The following CFAP20DC variants were observed in gnomAD, a reference collection of about 807,000 sequenced individuals.
CFAP20DC encodes the protein CFAP20 domain containing, also known as protein CFAP20DC.
Under a neutral mutation model 101.7 loss-of-function variants are expected in CFAP20DC, and 84 were observed. The observed-to-expected ratio is 0.83, with a 90% CI of 0.69 to 0.99. The LOEUF (loss-of-function observed/expected upper bound fraction) is 0.99. CFAP20DC is among the 50% of genes least tolerant of loss of function. CFAP20DC has a pLI of 0.00. For synonymous variants in CFAP20DC, 359 were observed against 351.2 expected (o/e 1.02, Z -0.25); for missense variants, 1,007 against 970.3 (o/e 1.04, Z -0.50).
At position 58,721,635 on chromosome 3, in the gene CFAP20DC, A is replaced by G. The variant is rs1345492004; in HGVS notation, c.198-4007T>C. ...AAAGAGCAGTGTGGCTGGGGAGAGA[A>G]GAGCCATGTGGTCCAGACAAATCTG... On this transcript the variant is annotated intron_variant, in intron 3 of 3. Transcript: ENST00000486145. This position sits in a 1 kb window ranked among gnomAD's most constrained non-coding sequence, Gnocchi z 5.2. Among the ~76,000 whole-genome samples, 2 of 152,190 alleles carry G rather than the reference A, an allele frequency of 1.3e-5. No homozygotes were observed. The highest frequency in any genetic ancestry group is 2.4e-5 in the African/African-American group (1 of 41,448).
chr3:59,005,390 A>G (rs557689856), intron 4 of CFAP20DC, among the ~76,000 whole-genome samples: 1 of 152,312 alleles, frequency 6.6e-6, no homozygotes, highest in East Asian at 1.9e-4. Context: ...CTTTTAAGCT[A>G]CTGACTCTTG....
chr3:58,955,473 C>G (rs1199725621), intron 4 of CFAP20DC, among the ~76,000 whole-genome samples: 1 of 152,072 alleles, frequency 6.6e-6, no homozygotes, highest in Non-Finnish European at 1.5e-5. Flanking sequence ...AAAGCAAAAC[C>G]AGACCAAACT....
chr3:58,801,796 G>A (rs1213916912), intron 15 of CFAP20DC, among the ~76,000 whole-genome samples: 1 of 152,194 alleles, frequency 6.6e-6, no homozygotes, highest in Non-Finnish European at 1.5e-5. Flanking sequence ...ATGGTTATAA[G>A]TGTGTTTATC....
intron 3 of CFAP20DC, among the ~76,000 whole-genome samples, chr3:59,044,968 C>T (rs1240052883): frequency 6.7e-6 from 1 of 149,876 alleles, no homozygotes; most frequent in Non-Finnish European, 1.5e-5. Context: ...TATGGAAATG[C>T]AAAAAACCTC....
intron 4 of CFAP20DC, among the ~76,000 whole-genome samples, chr3:58,999,425 T>C (rs1435489716): frequency 1.3e-5 from 2 of 152,174 alleles, no homozygotes; most frequent in African/African-American, 2.4e-5. Flanking sequence ...ACAGGAGACC[T>C]TCACTGACTA....
In CFAP20DC at chr3:59,006,024, T is replaced by C. The variant is rs973762653; in HGVS notation, c.278+33533A>G. Among the ~76,000 whole-genome samples the C allele has an allele frequency of 6.6e-6, 1 of 152,190 alleles. No homozygotes were observed. Among genetic ancestry groups the C allele is most frequent in the Non-Finnish European group, 1.5e-5 (1 of 68,028 alleles). On this transcript the variant is annotated intron_variant, in intron 4 of 16. Transcript: ENST00000482387. This position sits in a 1 kb window ranked among gnomAD's most constrained non-coding sequence, Gnocchi z 4.3. ...AAGGGAAATAATTCACAAGATGGAA[T>C]TACTCCTCAATGAAAAGTACTTTTA...
chr3:59,020,731 A>G (rs2093787056), intron 4 of CFAP20DC, among the ~76,000 whole-genome samples: 1 of 152,044 alleles, frequency 6.6e-6, no homozygotes, highest in South Asian at 2.1e-4. Context: ...GAGAAGCTTT[A>G]AACTCAATTG....
chr3:58,821,731 G>C (rs1225757761), intron 14 of CFAP20DC, among the ~76,000 whole-genome samples: 12 of 151,466 alleles, frequency 7.9e-5, no homozygotes, highest in South Asian at 6.3e-4. Context: ...GTGGAAGTCA[G>C]TGTGGCGATT....
chr3:58,902,027 T>C (rs1327575302), intron 6 of CFAP20DC, among the ~76,000 whole-genome samples: 1 of 152,228 alleles, frequency 6.6e-6, no homozygotes, highest in Admixed American at 6.5e-5. Flanking sequence ...TGACCTTTTT[T>C]TGTCTGGCTT....
At chr3:58,910,896 T>C (rs916034151) in intron 6 of CFAP20DC, among the ~76,000 whole-genome samples, 3 of 151,984 alleles carry the variant, frequency 2.0e-5, no homozygotes, top group Non-Finnish European at 2.9e-5. Context: ...TTATCAGGCA[T>C]ACCAAGAGAC....
In CFAP20DC at chr3:59,006,060, C is replaced by T. The variant is rs1026664062; in HGVS notation, c.278+33497G>A. Reference sequence around the variant, plus strand: ...TGAAAAGTACTTTTAAATATCCCTACATTTATATGTGTTTTTATAAATATG... The same window carrying T: ...TGAAAAGTACTTTTAAATATCCCTATATTTATATGTGTTTTTATAAATATG... On this transcript the variant is annotated intron_variant, in intron 4 of 16. Coordinates refer to ENST00000482387, the MANE Select transcript of CFAP20DC (RefSeq NM_001394063.1). The surrounding 1 kb of genome is among the most constrained non-coding windows in gnomAD (Gnocchi z 4.3). 6.6e-6 allele frequency among the ~76,000 whole-genome samples: 1 copy of T among 152,042 alleles called. No homozygotes were observed. The highest frequency in any genetic ancestry group is 1.5e-5 in the Non-Finnish European group (1 of 68,024).
chr3:58,952,162 C>G (rs2090189252), intron 4 of CFAP20DC, among the ~76,000 whole-genome samples: 1 of 152,090 alleles, frequency 6.6e-6, no homozygotes, highest in Admixed American at 6.6e-5. Context: ...TCAAGTAGTG[C>G]TATTCTTAGT....
chr3:58,856,594 C>G, intron 12 of CFAP20DC, among the ~76,000 whole-genome samples: 1 of 152,282 alleles, frequency 6.6e-6, no homozygotes, highest in South Asian at 2.1e-4. Flanking sequence ...TGCCTTCAGG[C>G]AGAAAACTCG....
intron 16 of CFAP20DC, among the ~76,000 whole-genome samples, chr3:58,753,119 T>C (rs1384567940): frequency 1.3e-5 from 2 of 152,228 alleles, no homozygotes; most frequent in African/African-American, 4.8e-5. Flanking sequence ...CAGAAACTAA[T>C]GGTTCATCTT....
At chr3:59,024,751 T>C (rs1392823092) in intron 4 of CFAP20DC, among the ~76,000 whole-genome samples, 1 of 152,134 alleles carries the variant, frequency 6.6e-6, no homozygotes, top group Non-Finnish European at 1.5e-5. Flanking sequence ...TAAGATTCCA[T>C]GATATACTTG....
At chr3:59,017,373 C>CG (rs1185961090) in intron 4 of CFAP20DC, 10 of 152,080 alleles carry the variant, frequency 6.6e-5, no homozygotes, top group Non-Finnish European at 8.8e-5. Flanking sequence ...TTGAAGCTCC[C>CG]GCTGTGCTTT....
rs192539570 is a variant in CFAP20DC, at chr3:58,853,092, C to T, written c.1594-3683G>A. ...CAAAATTGATAGACCGCTAGCAAGA[C>T]TAATAAAGAAGAAAAGAGAGAAGAA... On this transcript the variant is annotated intron_variant, in intron 12 of 16. Transcript: ENST00000482387. Among the ~76,000 whole-genome samples, 106 of 152,072 alleles carry T rather than the reference C, an allele frequency of 7.0e-4. No homozygotes were observed. In the Middle Eastern group the frequency reaches 0.01, roughly 15 times the overall value.
intron 14 of CFAP20DC, among the ~76,000 whole-genome samples, chr3:58,811,034 A>C (rs891895817): frequency 6.6e-6 from 1 of 152,186 alleles, no homozygotes; most frequent in Non-Finnish European, 1.5e-5. Flanking sequence ...ACTACAAATC[A>C]CTGCTCAGTG....
intron 4 of CFAP20DC, among the ~76,000 whole-genome samples, chr3:58,983,395 A>G (rs2092646830): frequency 6.6e-6 from 1 of 152,176 alleles, no homozygotes. Flanking sequence ...GGTGCACTAA[A>G]TTGTTTCCAA....
Sources: allele counts gnomAD v4.1 joint callset (sites outside exome capture counted in the v4.1 genomes callset), GRCh38; gene constraint gnomAD v4.1.1; non-coding constraint Gnocchi (gnomAD v3.1); transcripts MANE v1.5; gene names NCBI Gene and HGNC (gene_info 2026-07-23, HGNC 2026-07-21).